The following CHMP1A variants were observed in gnomAD, a reference collection of about 807,000 sequenced individuals.
CHMP1A encodes the protein VPS46 homolog A.
Under a neutral mutation model 27.0 loss-of-function variants are expected in CHMP1A, and 17 were observed. That is an observed-to-expected ratio of 0.63 (90% CI 0.43 to 0.95). The LOEUF (loss-of-function observed/expected upper bound fraction) is 0.95. Among genes scored for constraint, CHMP1A ranks in the 40% least tolerant of loss-of-function variants. The pLI, the probability that CHMP1A is intolerant of heterozygous loss-of-function variation, is 0.00. For missense variants in CHMP1A, 275 were observed against 264.0 expected (o/e 1.04, Z -0.29); for synonymous variants, 131 against 107.5 (o/e 1.22, Z -1.35).
chr16:89,645,833 C>A lies in CHMP1A; in HGVS notation c.*233G>T. ...CCTCCCCGCTGTGGGCCCAGAGTCA[C>A]AGAAATCACCCCCAGAAATTTGCAG... On this transcript the variant is annotated 3_prime_UTR_variant, in exon 7 of 7. Transcript: ENST00000397901. The A allele has an allele frequency of 2.8e-6, 4 of 1,413,884 alleles. No homozygotes were observed. In the Middle Eastern group the frequency reaches 5.8e-4, roughly 205 times the overall value. The allele number at this position is 1,413,884 out of a possible 1,614,324, so 87.6% of individuals were successfully genotyped here. A position where few individuals can be genotyped will look rare whatever the true frequency, so the allele number is the denominator to read the frequency against.
In CHMP1A at chr16:89,653,253, C is replaced by T. The variant is rs558454376; in HGVS notation, c.27+651G>A. Among the ~76,000 whole-genome samples, 113 of 149,366 alleles carry T rather than the reference C, an allele frequency of 7.6e-4. 1 individual carries two copies. The South Asian group carries it at 0.016, about 22-fold the overall frequency. On this transcript the variant is annotated intron_variant, in intron 2 of 6. Transcript: ENST00000397901. ...TCCATCTCCTGACCTTGTGATCCAC[C>T]CCACCTCGGTCTCCCAAAGTGCTGG...
intron 3 of CHMP1A, among the ~76,000 whole-genome samples, chr16:89,650,044 G>C (rs1416600488): frequency 2.0e-5 from 3 of 152,188 alleles, no homozygotes; most frequent in African/African-American, 7.2e-5. Context: ...CTCAGAGCCT[G>C]TGGCAGGCAG....
At position 89,647,238 on chromosome 16, in the gene CHMP1A, C is replaced by T. The variant is rs1064794609; in HGVS notation, c.346G>A (p.Glu116Lys). ...QKVSSVMDRF[E>K]QQVQNLDVHT... The stretch of plus-strand genomic sequence containing the variant: ...ACGTCCAGGTTCTGCACCTGCTGCT[C>T]GAACCTGTCCATCACTGAGGAGACC... Residue 116 changes from glutamate (E) to lysine (K), a missense_variant, in exon 5 of 7, where the codon GAG becomes AAG. Physicochemically the swap from Glu to Lys is moderately conservative, Grantham distance 56 (BLOSUM62 1). Transcript: ENST00000397901. 5.0e-6 allele frequency: 8 copies of T among 1,609,268 alleles called. No homozygotes were observed. Among genetic ancestry groups the T allele is most frequent in the South Asian group, 1.1e-5 (1 of 89,990 alleles).
intron 1 of CHMP1A, among the ~76,000 whole-genome samples, chr16:89,655,416 G>GCTTTCCCTCACCTCAC (rs2059857119): frequency 6.6e-6 from 1 of 150,498 alleles, no homozygotes; most frequent in African/African-American, 2.4e-5. Flanking sequence ...CCTCACCTCA[G>GCTTTCCCTCACCTCAC]CTTTCCCTCA....
intron 2 of CHMP1A, among the ~76,000 whole-genome samples, chr16:89,653,622 C>CAAA (rs5818724): frequency 1.9e-5 from 1 of 51,514 alleles, no homozygotes. Context: ...GACGCCGTCT[C>CAAA]AAAAAAAAAA....
At chr16:89,650,631 C>T (rs1014562363) in intron 3 of CHMP1A, among the ~76,000 whole-genome samples, 9 of 152,128 alleles carry the variant, frequency 5.9e-5, no homozygotes, top group Non-Finnish European at 1.2e-4. Flanking sequence ...CACGGCGAAA[C>T]CCCATCTCTA....
Position 89,653,943 on chromosome 16 carries a change from T to A in CHMP1A, c.8-20A>T. On this transcript the variant is annotated intron_variant, in intron 1 of 6. Coordinates refer to ENST00000397901, the MANE Select transcript of CHMP1A (RefSeq NM_002768.5). ...GGGTATCTGCAAAGAAAGAGGGAATTAATGGTTTGAGGATTGGGAATGGGA... is the reference window on the plus strand; with the variant it reads ...GGGTATCTGCAAAGAAAGAGGGAATAAATGGTTTGAGGATTGGGAATGGGA... The A allele has an allele frequency of 6.2e-7, 1 of 1,613,094 alleles. No individual in the cohort carries two copies. Among genetic ancestry groups the A allele is most frequent in the South Asian group, 1.1e-5 (1 of 91,068 alleles).
intron 1 of CHMP1A, among the ~76,000 whole-genome samples, chr16:89,657,306 C>A (rs1477917479): frequency 4.7e-5 from 5 of 105,466 alleles, no homozygotes; most frequent in South Asian, 3.3e-4. Context: ...GGTTCCGGGT[C>A]GGGTATCGGG....
chr16:89,657,668 AACCGACCAAGCTGC>A lies in CHMP1A; in HGVS notation c.-94_-81del, dbSNP rs565224984. The A allele has an allele frequency of 9.5e-3, 15,146 of 1,598,598 alleles. 104 individuals are homozygous for A. The highest frequency in any genetic ancestry group is 0.011 in the Non-Finnish European group (13,470 of 1,173,942). On this transcript the variant is annotated 5_prime_UTR_variant, in exon 1 of 7. Coordinates refer to ENST00000397901, the MANE Select transcript of CHMP1A (RefSeq NM_002768.5). ...CGGTGTCAGGTCCCGGCGGCGATCG[AACCGACCAAGCTGC>A]ACCCGGCGGGGACTTCCGGGGTCGC...
intron 1 of CHMP1A, among the ~76,000 whole-genome samples, chr16:89,656,986 GC>G (rs1465326310): frequency 6.6e-6 from 1 of 151,046 alleles, no homozygotes; most frequent in Non-Finnish European, 1.5e-5. Flanking sequence ...AGAGGTCGAG[GC>G]CCCGGGGAAG....
At chr16:89,647,532 C>A (rs899418741) in intron 4 of CHMP1A, among the ~76,000 whole-genome samples, 6 of 147,964 alleles carry the variant, frequency 4.1e-5, no homozygotes, top group Admixed American at 2.0e-4. Flanking sequence ...AGACCCAGTG[C>A]GGGGTCAGTG....
In CHMP1A at chr16:89,646,581, G is replaced by A. The variant is rs1366763598; in HGVS notation, c.515C>T (p.Ala172Val). Reference protein sequence around the residue: ...LDQLSQLPEGASAVGESSVRS... With the variant: ...LDQLSQLPEGVSAVGESSVRS... The stretch of plus-strand genomic sequence containing the variant: ...CACAGAGCTCTCGCCCACGGCAGAG[G>A]CGCCCTCGGGCAGCTGGCTGAGCTG... Residue 172 changes from alanine to valine, a missense_variant, in exon 6 of 7, where the codon GCC (alanine) becomes GTC (valine). Ala to Val is a moderately conservative substitution (Grantham distance 64). Coordinates refer to ENST00000397901, the MANE Select transcript of CHMP1A (RefSeq NM_002768.5). 1.3e-6 allele frequency: 2 copies of A among 1,597,772 alleles called. No homozygotes were observed. Among genetic ancestry groups the A allele is most frequent in the South Asian group, 1.1e-5 (1 of 87,956 alleles).
chr16:89,655,549 C>G (rs1203482992), intron 1 of CHMP1A, among the ~76,000 whole-genome samples: 1 of 152,200 alleles, frequency 6.6e-6, no homozygotes, highest in East Asian at 1.9e-4. Context: ...CAAAATCTGA[C>G]TCTGAGGAAA....
Position 89,657,671 on chromosome 16 carries a change from C to T in CHMP1A, c.-83G>A, listed in dbSNP as rs1238194676. On this transcript the variant is annotated 5_prime_UTR_variant, in exon 1 of 7. Transcript: ENST00000397901. ...TGTCAGGTCCCGGCGGCGATCGAAC[C>T]GACCAAGCTGCACCCGGCGGGGACT... is the stretch of plus-strand genomic sequence containing the variant. 4.5e-6 allele frequency: 7 copies of T among 1,565,162 alleles called. No homozygotes were observed. Among genetic ancestry groups the T allele is most frequent in the Middle Eastern group, 1.7e-4 (1 of 5,990 alleles).
chr16:89,653,696 C>G (rs1027858358), intron 2 of CHMP1A, among the ~76,000 whole-genome samples: 7 of 151,356 alleles, frequency 4.6e-5, no homozygotes, highest in Admixed American at 1.3e-4. Flanking sequence ...AAGGATCTGC[C>G]TCCACTTAGC....
At chr16:89,653,496 G>A (rs1254871458) in intron 2 of CHMP1A, among the ~76,000 whole-genome samples, 10 of 150,758 alleles carry the variant, frequency 6.6e-5, no homozygotes, top group Non-Finnish European at 1.2e-4. Flanking sequence ...GGTGGTGGGC[G>A]CCTGTAGTCC....
intron 1 of CHMP1A, 82 bp downstream of exon 1, chr16:89,657,500 C>G: frequency 6.4e-7 from 1 of 1,564,416 alleles, no homozygotes; most frequent in Non-Finnish European, 8.7e-7. Flanking sequence ...GCCCGCGGCC[C>G]CAGGTGGGCG....
chr16:89,651,817 G>T (rs1384623165), intron 2 of CHMP1A, among the ~76,000 whole-genome samples, 171 bp from the exon 3 acceptor site: 2 of 152,242 alleles, frequency 1.3e-5, no homozygotes, highest in African/African-American at 4.8e-5. Flanking sequence ...CTGTGGGCGT[G>T]CATCCTGGGC....
rs1209611205 is a variant in CHMP1A, at chr16:89,645,481, CA to C, written c.*584del. On this transcript the variant is annotated 3_prime_UTR_variant, in exon 7 of 7. Transcript: ENST00000397901. ...AGGGAAGTGAGGGAGCGCAGGAGGCCAGGGGGCTCAGCCAGCTGGTAGGGGC... is the reference window on the plus strand; with the variant it reads ...AGGGAAGTGAGGGAGCGCAGGAGGCCGGGGGCTCAGCCAGCTGGTAGGGGC... 2 of 168,762 alleles carry C rather than the reference CA, an allele frequency of 1.2e-5. No homozygotes were observed. The highest frequency in any genetic ancestry group is 2.6e-5 in the Non-Finnish European group (2 of 77,206). 10.5% of individuals were successfully genotyped at this position (168,762 alleles called of 1,614,324 possible). A position where few individuals can be genotyped will look rare whatever the true frequency, so the allele number is the denominator to read the frequency against.
Sources: allele counts gnomAD v4.1 joint callset (sites outside exome capture counted in the v4.1 genomes callset), GRCh38; gene constraint gnomAD v4.1.1; transcripts MANE v1.5; gene names NCBI Gene and HGNC (gene_info 2026-07-23, HGNC 2026-07-21).